DSE: variants seen among roughly 807,000 people sequenced by gnomAD.
The protein encoded by DSE is dermatan-sulfate epimerase.
DSE carries 36 observed loss-of-function variants against 84.4 expected under a neutral mutation model. That is an observed-to-expected ratio of 0.43 (90% CI 0.33 to 0.56). The LOEUF (loss-of-function observed/expected upper bound fraction) is 0.56. Ranked by LOEUF, DSE falls within the 20% of genes least tolerant of loss-of-function variation. The pLI, the probability that DSE is intolerant of heterozygous loss-of-function variation, is 0.06. For missense variants in DSE, 862 were observed against 1,169.6 expected, an observed-to-expected ratio of 0.74 and a Z score of 3.84; for synonymous variants, 410 against 430.1, an observed-to-expected ratio of 0.95 and a Z score of 0.58.
intron 2 of DSE, among the ~76,000 whole-genome samples, chr6:116,293,620 G>A (rs891139564): frequency 2.6e-5 from 4 of 152,174 alleles, no homozygotes; most frequent in Admixed American, 6.5e-5. Flanking sequence ...ATGAGCTAGA[G>A]GCCAGACATG....
intron 2 of DSE, among the ~76,000 whole-genome samples, chr6:116,345,088 C>T (rs1777866572): frequency 6.6e-6 from 1 of 152,162 alleles, no homozygotes; most frequent in Non-Finnish European, 1.5e-5. Flanking sequence ...TATATATGCA[C>T]CCAATACAGG....
exon 2 of DSE, chr6:116,258,564 G>A (rs1562187021): frequency 1.3e-6 from 2 of 1,552,740 alleles, no homozygotes; most frequent in South Asian, 1.1e-5. Flanking sequence ...AGGAGTTGGA[G>A]GAGCCCTTGG....
intron 2 of DSE, among the ~76,000 whole-genome samples, chr6:116,414,886 C>CAG (rs34883735): frequency 0.78 from 117,902 of 151,986 alleles, 46,151 homozygotes; most frequent in African/African-American, 0.82. Context: ...GACTCTCACT[C>CAG]TTGTGTAAGT....
intron 1 of DSE, among the ~76,000 whole-genome samples, chr6:116,382,363 A>G (rs1177562961): frequency 6.6e-6 from 1 of 152,186 alleles, no homozygotes; most frequent in Non-Finnish European, 1.5e-5. Context: ...TAATCAGTTA[A>G]TGAACTTGTT....
intron 1 of DSE, among the ~76,000 whole-genome samples, chr6:116,395,551 C>A (rs548454269): frequency 6.6e-6 from 1 of 152,306 alleles, no homozygotes; most frequent in African/African-American, 2.4e-5. Flanking sequence ...CCACCTTCAA[C>A]AATTTTTGCC....
chr6:116,435,185 A>G (rs1784069585), intron 5 of DSE, among the ~76,000 whole-genome samples: 1 of 152,198 alleles, frequency 6.6e-6, no homozygotes, highest in South Asian at 2.1e-4. Flanking sequence ...CTTTATTACA[A>G]CTCAAGGCTT....
intron 2 of DSE, among the ~76,000 whole-genome samples, chr6:116,297,668 CT>C (rs1486811434): frequency 6.6e-6 from 1 of 152,220 alleles, no homozygotes; most frequent in Non-Finnish European, 1.5e-5. Context: ...TTCCAAGGTT[CT>C]GCTTATGAAT....
chr6:116,412,769 GCAATTTGGGATT>G (rs1782465893), intron 2 of DSE: 1 of 151,984 alleles, frequency 6.6e-6, no homozygotes, highest in African/African-American at 2.4e-5. Flanking sequence ...GTGTGATGCT[GCAATTTGGGATT>G]CAATTTATCC....
chr6:116,336,509 A>C (rs989382068), intron 2 of DSE, among the ~76,000 whole-genome samples: 27 of 152,342 alleles, frequency 1.8e-4, no homozygotes, highest in African/African-American at 5.1e-4. Context: ...TAATCCCAGC[A>C]CTTTGGGAGG....
At chr6:116,299,413 TA>T (rs1562213066) in intron 2 of DSE, among the ~76,000 whole-genome samples, 1 of 151,182 alleles carries the variant, frequency 6.6e-6, no homozygotes, top group Non-Finnish European at 1.5e-5. Flanking sequence ...ATTATGAGTT[TA>T]GAAAGCTATA....
intron 2 of DSE, among the ~76,000 whole-genome samples, chr6:116,300,767 G>C (rs575159827): frequency 1.7e-4 from 26 of 152,256 alleles, no homozygotes; most frequent in African/African-American, 6.3e-4. Flanking sequence ...TTAGTGTAAA[G>C]TTTCAGTTCA....
At chr6:116,401,423 C>G (rs565581227) in intron 2 of DSE, among the ~76,000 whole-genome samples, 1 of 152,014 alleles carries the variant, frequency 6.6e-6, no homozygotes, top group South Asian at 2.1e-4. Context: ...AACTAAAAGC[C>G]AATTTTTGAC....
chr6:116,332,311 A>G (rs1417572778), intron 2 of DSE, among the ~76,000 whole-genome samples: 1 of 152,206 alleles, frequency 6.6e-6, no homozygotes, highest in Non-Finnish European at 1.5e-5. Context: ...CATTTTTAAA[A>G]TGTTAATTTT....
intron 2 of DSE, among the ~76,000 whole-genome samples, chr6:116,293,141 C>T (rs371386208): frequency 3.9e-5 from 6 of 152,128 alleles, no homozygotes; most frequent in Admixed American, 3.9e-4. Flanking sequence ...CTACAGAATT[C>T]AAAGAAGAAA....
In DSE at chr6:116,279,575, C is replaced by T. The variant is rs149638466; in HGVS notation, c.-54+20608C>T. 284 of 1,602,606 alleles carry T rather than the reference C, an allele frequency of 1.8e-4. No individual in the cohort carries two copies. The African/African-American group carries it at 3.5e-3, about 20-fold the overall frequency. On this transcript the variant is annotated intron_variant, in intron 2 of 3. Transcript: ENST00000430252. Reference sequence around the variant, plus strand: ...ATCGCCACATGACCGCGACCCCCAACAACTCGGATCTGGGGAGTACCGCCA... The same window carrying T: ...ATCGCCACATGACCGCGACCCCCAATAACTCGGATCTGGGGAGTACCGCCA...
chr6:116,264,787 G>C (rs1432438165), intron 2 of DSE, among the ~76,000 whole-genome samples: 1 of 152,124 alleles, frequency 6.6e-6, no homozygotes, highest in East Asian at 1.9e-4. Context: ...GAGCATTTGT[G>C]GTGTAAGGTG....
intron 2 of DSE, among the ~76,000 whole-genome samples, chr6:116,291,829 G>A (rs1004050009): frequency 2.6e-5 from 4 of 152,150 alleles, no homozygotes; most frequent in Admixed American, 2.0e-4. Context: ...CAGATAAATT[G>A]TAGAACCAAT....
At chr6:116,399,129 A>G (rs1781429266) in intron 1 of DSE, 69 bp from the exon 2 acceptor site, 11 of 1,282,226 alleles carry the variant, frequency 8.6e-6, no homozygotes, top group Non-Finnish European at 1.1e-5. Flanking sequence ...TCTACCTCTT[A>G]TATGTTTCCA....
chr6:116,338,752 A>G (rs1329534903), intron 2 of DSE, among the ~76,000 whole-genome samples: 4 of 152,218 alleles, frequency 2.6e-5, no homozygotes, highest in Non-Finnish European at 4.4e-5. Context: ...AGTGATAGAA[A>G]GCTTTTTCCA....
Sources: allele counts gnomAD v4.1 joint callset (sites outside exome capture counted in the v4.1 genomes callset), GRCh38; gene constraint gnomAD v4.1.1; transcripts MANE v1.5; gene names NCBI Gene and HGNC (gene_info 2026-07-23, HGNC 2026-07-21).